The following LARGE1 variants were observed in gnomAD, a reference collection of about 807,000 sequenced individuals.
LARGE1 encodes the protein LARGE xylosyl- and glucuronyltransferase 1, also known as xylosyl- and glucuronyltransferase LARGE1.
LARGE1 carries 43 observed loss-of-function variants against 87.6 expected under a neutral mutation model. That is an observed-to-expected ratio of 0.49 (90% CI 0.38 to 0.63). The LOEUF (loss-of-function observed/expected upper bound fraction) is 0.63, where lower values mean the gene tolerates loss of function less well. Ranked by LOEUF, LARGE1 falls within the 30% of genes least tolerant of loss-of-function variation. The probability of loss-of-function intolerance (pLI) is 0.00; values close to 1 mark genes in which losing one functional copy is unlikely to be tolerated. For missense variants in LARGE1, 802 were observed against 1,000.2 expected (o/e 0.80, Z 2.67); for synonymous variants, 434 against 394.6 (o/e 1.10, Z -1.18).
intron 6 of LARGE1, among the ~76,000 whole-genome samples, chr22:33,486,047 A>G (rs748031055): frequency 2.6e-5 from 4 of 152,182 alleles, no homozygotes; most frequent in Non-Finnish European, 5.9e-5. Flanking sequence ...CGCTCAGGAC[A>G]ATGGCCTTGC....
chr22:33,293,456 G>T (rs1197829697), intron 12 of LARGE1, among the ~76,000 whole-genome samples: 1 of 152,168 alleles, frequency 6.6e-6, no homozygotes, highest in Admixed American at 6.6e-5. Flanking sequence ...TATTAATGAA[G>T]TCTGCACCAG....
In LARGE1 at chr22:33,266,150, G is replaced by GGA. The variant is rs1927919818; in HGVS notation, c.1730+38078_1730+38079insTC. 3.8e-5 allele frequency among the ~76,000 whole-genome samples: 5 copies of GGA among 130,864 alleles called. No homozygotes were observed. In the Admixed American group the frequency reaches 3.9e-4, roughly 10 times the overall value. 85.9% of individuals were successfully genotyped at this position (130,864 alleles called of 152,430 possible). A position where few individuals can be genotyped will look rare whatever the true frequency, so the allele number is the denominator to read the frequency against. On this transcript the variant is annotated intron_variant, in intron 11 of 11. Coordinates refer to the LARGE1 transcript ENST00000608642. ...AATCAGTAAGCAAGAACTCAATAGG[G>GGA]AAAAAAAAAAAAGAATGAAAGCAAA... is the stretch of plus-strand genomic sequence containing the variant.
intron 11 of LARGE1, among the ~76,000 whole-genome samples, chr22:33,249,298 G>A (rs1926909822): frequency 2.0e-5 from 3 of 152,196 alleles, no homozygotes; most frequent in African/African-American, 7.2e-5. Flanking sequence ...GACATATGAT[G>A]TAGAGCAACT....
intron 12 of LARGE1, among the ~76,000 whole-genome samples, chr22:33,303,138 A>G (rs888281688): frequency 1.3e-5 from 2 of 152,130 alleles, no homozygotes; most frequent in South Asian, 2.1e-4. Flanking sequence ...CGAATTGTGT[A>G]CTATTCTGTA....
intron 2 of LARGE1, among the ~76,000 whole-genome samples, chr22:33,714,912 A>T (rs1049966987): frequency 2.0e-5 from 3 of 152,226 alleles, no homozygotes; most frequent in African/African-American, 7.2e-5. Flanking sequence ...TGAAATTCAA[A>T]GGCAGTCCCC....
At chr22:33,083,886 T>G in the LARGE1 span, among the ~76,000 whole-genome samples, 1 of 152,148 alleles carries the variant, frequency 6.6e-6, no homozygotes, top group African/African-American at 2.4e-5. Context: ...ACTGCCTGAG[T>G]GCTCTACTTA....
chr22:33,263,540 C>T (rs565830050), intron 11 of LARGE1, among the ~76,000 whole-genome samples: 1 of 152,302 alleles, frequency 6.6e-6, no homozygotes, highest in Admixed American at 6.5e-5. Flanking sequence ...TCCTGCAACC[C>T]ACAAGGAACT....
intron 2 of LARGE1, among the ~76,000 whole-genome samples, chr22:33,754,998 G>T (rs2084457273): frequency 6.6e-6 from 1 of 152,070 alleles, no homozygotes; most frequent in Non-Finnish European, 1.5e-5. Context: ...CCCCCATCCC[G>T]CCTATTCCAC....
At chr22:33,465,818 G>A (rs1044685771) in intron 6 of LARGE1, among the ~76,000 whole-genome samples, 6 of 152,246 alleles carry the variant, frequency 3.9e-5, no homozygotes, top group South Asian at 2.1e-4. Context: ...AGGAATCTGC[G>A]TCTGCCCAAA....
At chr22:33,115,815 C>CA in the LARGE1 span, among the ~76,000 whole-genome samples, 72,479 of 97,906 alleles carry the variant, frequency 0.74, 27,502 homozygotes, top group East Asian at 0.89. Flanking sequence ...GACTCTGTCT[C>CA]AAAAAAAAAA....
intron 1 of LARGE1, among the ~76,000 whole-genome samples, chr22:33,785,764 A>G (rs1330070696): frequency 6.6e-6 from 1 of 152,186 alleles, no homozygotes; most frequent in Non-Finnish European, 1.5e-5. Flanking sequence ...GATGAACGGA[A>G]AGGGTCACCT....
intron 2 of LARGE1, among the ~76,000 whole-genome samples, chr22:33,735,069 C>A (rs1601466127): frequency 1.3e-5 from 2 of 152,284 alleles, no homozygotes; most frequent in Admixed American, 6.5e-5. Context: ...AAGCTCTCTG[C>A]CCTGCCTAAA....
intron 5 of LARGE1, among the ~76,000 whole-genome samples, chr22:33,600,618 A>C (rs901438402): frequency 3.7e-5 from 5 of 133,912 alleles, no homozygotes; most frequent in Middle Eastern, 6.9e-3. Flanking sequence ...AGTTTAATAA[A>C]TAGAACGCTC....
chr22:33,214,576 A>G (rs1925114439), intron 11 of LARGE1, among the ~76,000 whole-genome samples: 1 of 151,930 alleles, frequency 6.6e-6, no homozygotes, highest in African/African-American at 2.4e-5. Flanking sequence ...TCAGAGACCA[A>G]GGAATCTCCT....
chr22:33,484,973 A>G (rs1208010960), intron 6 of LARGE1, among the ~76,000 whole-genome samples: 1 of 146,166 alleles, frequency 6.8e-6, no homozygotes, highest in Admixed American at 7.0e-5. Flanking sequence ...ATGCAGTGGC[A>G]CGATCTTGGC....
chr22:33,325,594 G>A (rs1201394880), intron 10 of LARGE1, among the ~76,000 whole-genome samples: 1 of 152,220 alleles, frequency 6.6e-6, no homozygotes, highest in Admixed American at 6.5e-5. Flanking sequence ...CCACATTACA[G>A]CTGCTTGTGC....
chr22:33,178,802 A>G (rs1310385991), intron 11 of LARGE1, among the ~76,000 whole-genome samples: 4 of 152,230 alleles, frequency 2.6e-5, no homozygotes, highest in African/African-American at 9.6e-5. Context: ...TCAACTATAA[A>G]CTGTTGGCAT....
intron 2 of LARGE1, among the ~76,000 whole-genome samples, chr22:33,727,988 T>G (rs1418043730): frequency 1.3e-5 from 2 of 152,130 alleles, no homozygotes; most frequent in Non-Finnish European, 2.9e-5. Flanking sequence ...TAGATGGATC[T>G]GCACTCACAA....
chr22:33,396,994 C>G (rs1006676008), intron 7 of LARGE1, among the ~76,000 whole-genome samples: 1 of 152,118 alleles, frequency 6.6e-6, no homozygotes, highest in African/African-American at 2.4e-5. Context: ...CATAACTGTA[C>G]AGCTTGATGA....
Sources: allele counts gnomAD v4.1 joint callset (sites outside exome capture counted in the v4.1 genomes callset), GRCh38; gene constraint gnomAD v4.1.1; transcripts MANE v1.5; gene names NCBI Gene and HGNC (gene_info 2026-07-23, HGNC 2026-07-21).